Variants in GRIP1 observed in about 807,000 individuals in gnomAD.
GRIP1 encodes glutamate receptor-interacting protein 1.
Under a neutral mutation model 129.9 loss-of-function variants are expected in GRIP1, and 45 were observed. That is an observed-to-expected ratio of 0.35 (90% CI 0.27 to 0.44). GRIP1 has a LOEUF of 0.44. Ranked by LOEUF, GRIP1 falls within the 20% of genes least tolerant of loss-of-function variation. The pLI is 1.00. For missense variants in GRIP1, 1,196 were observed against 1,396.8 expected, an observed-to-expected ratio of 0.86 and a Z score of 2.29; for synonymous variants, 530 against 520.8, an observed-to-expected ratio of 1.02 and a Z score of -0.24.
intron 1 of GRIP1, among the ~76,000 whole-genome samples, chr12:66,746,193 G>A (rs964949507): frequency 2.6e-5 from 4 of 152,106 alleles, no homozygotes; most frequent in African/African-American, 9.7e-5. Context: ...TAAAGCTGCT[G>A]AACTGACTGG....
chr12:66,725,045 G>A (rs149282950), intron 1 of GRIP1, among the ~76,000 whole-genome samples: 19 of 152,228 alleles, frequency 1.2e-4, no homozygotes, highest in East Asian at 9.7e-4. Flanking sequence ...TAATCCCAGC[G>A]CTTTTGGAGG....
At chr12:66,738,822 T>A (rs1033581665) in intron 1 of GRIP1, among the ~76,000 whole-genome samples, 1 of 152,188 alleles carries the variant, frequency 6.6e-6, no homozygotes, top group Non-Finnish European at 1.5e-5. Flanking sequence ...GATATCCTCC[T>A]AGTGCAATGA....
intron 1 of GRIP1, among the ~76,000 whole-genome samples, chr12:66,743,055 C>A (rs1284645259): frequency 6.6e-6 from 1 of 151,918 alleles, no homozygotes; most frequent in Non-Finnish European, 1.5e-5. Flanking sequence ...AACAAGCAGC[C>A]GTCCAAAACC....
chr12:66,996,637 T>C (rs1401822787), intron 1 of GRIP1, among the ~76,000 whole-genome samples: 1 of 152,110 alleles, frequency 6.6e-6, no homozygotes, highest in Non-Finnish European at 1.5e-5. Context: ...AAATGGCATG[T>C]AGAGAAAATG....
chr12:66,996,521 T>C (rs757825760), intron 1 of GRIP1, among the ~76,000 whole-genome samples: 1 of 152,158 alleles, frequency 6.6e-6, no homozygotes, highest in Admixed American at 6.6e-5. Context: ...TCACCTCTTC[T>C]ACATCACAAT....
At chr12:66,850,269 G>A (rs2039888182) in intron 1 of GRIP1, among the ~76,000 whole-genome samples, 1 of 152,106 alleles carries the variant, frequency 6.6e-6, no homozygotes. Flanking sequence ...GGGCAATCAT[G>A]AAGCAATTTA....
intron 7 of GRIP1, among the ~76,000 whole-genome samples, chr12:66,506,778 C>T (rs75053597): frequency 0.012 from 1,883 of 152,160 alleles, 43 homozygotes; most frequent in East Asian, 0.1. Context: ...TTTTCTCACC[C>T]GCTAGTTTTA....
intron 1 of GRIP1, among the ~76,000 whole-genome samples, chr12:67,064,766 T>C (rs2043593225): frequency 6.6e-6 from 1 of 152,140 alleles, no homozygotes. Flanking sequence ...TTTATTATTA[T>C]TATACTTTAA....
At chr12:66,532,696 T>G (rs550489176) in intron 4 of GRIP1, among the ~76,000 whole-genome samples, 2 of 152,272 alleles carry the variant, frequency 1.3e-5, no homozygotes, top group East Asian at 3.9e-4. Context: ...AGGTAGCTGC[T>G]GCTCCCTCAA....
chr12:66,451,214 G>A (rs905707262), intron 11 of GRIP1, among the ~76,000 whole-genome samples: 3 of 151,870 alleles, frequency 2.0e-5, no homozygotes, highest in African/African-American at 4.8e-5. Flanking sequence ...GTCAATTCTT[G>A]TTCTTCCTAG....
chr12:66,896,178 G>A (rs1265236589), intron 1 of GRIP1, among the ~76,000 whole-genome samples: 2 of 152,162 alleles, frequency 1.3e-5, no homozygotes, highest in Non-Finnish European at 2.9e-5. Flanking sequence ...TGACCTAAGA[G>A]AATTCTGTGA....
chr12:67,057,116 G>A (rs1444053772), intron 1 of GRIP1, among the ~76,000 whole-genome samples: 1 of 151,918 alleles, frequency 6.6e-6, no homozygotes, highest in Admixed American at 6.6e-5. Flanking sequence ...GTGCCTGGCC[G>A]GACTGAATGT....
intron 1 of GRIP1, among the ~76,000 whole-genome samples, chr12:66,671,665 C>T (rs2136236488): frequency 1.3e-5 from 2 of 152,314 alleles, no homozygotes; most frequent in Non-Finnish European, 2.9e-5. Flanking sequence ...GACCCACTTA[C>T]AAAACAGAAG....
chr12:66,616,739 A>G (rs1386461703), intron 1 of GRIP1, among the ~76,000 whole-genome samples: 2 of 152,122 alleles, frequency 1.3e-5, no homozygotes, highest in Non-Finnish European at 2.9e-5. Context: ...AGCCAACCTA[A>G]GCAAAACCAA....
chr12:66,582,358 C>A (rs2063422688), intron 2 of GRIP1, among the ~76,000 whole-genome samples: 1 of 143,002 alleles, frequency 7.0e-6, no homozygotes, highest in Non-Finnish European at 1.6e-5. Context: ...GACAGGGATG[C>A]CCTCTCTCAC....
intron 1 of GRIP1, among the ~76,000 whole-genome samples, chr12:66,753,398 A>T (rs2036835107): frequency 6.6e-6 from 1 of 152,304 alleles, no homozygotes; most frequent in Middle Eastern, 3.4e-3. Flanking sequence ...TGGTAAAGTA[A>T]CAGTAGGAAG....
intron 1 of GRIP1, among the ~76,000 whole-genome samples, chr12:66,778,411 T>C (rs914843514): frequency 6.6e-6 from 1 of 152,174 alleles, no homozygotes; most frequent in African/African-American, 2.4e-5. Context: ...AATGGGGATA[T>C]GATCCCCTAC....
chr12:66,368,710 C>G (rs998633694), intron 23 of GRIP1, among the ~76,000 whole-genome samples: 3 of 152,178 alleles, frequency 2.0e-5, no homozygotes, highest in African/African-American at 7.2e-5. Context: ...CTAGTAGTAC[C>G]CCAGGGGAAG....
chr12:67,011,888 A>T (rs1396109618), intron 1 of GRIP1, among the ~76,000 whole-genome samples: 2 of 152,224 alleles, frequency 1.3e-5, no homozygotes, highest in African/African-American at 4.8e-5. Flanking sequence ...CTGTTGTAGT[A>T]CAAAAGCAAA....
Sources: gnomAD v4.1 joint callset for allele counts (sites outside exome capture counted in the v4.1 genomes callset) on GRCh38, gnomAD v4.1.1 for gene constraint, MANE v1.5 for transcripts, NCBI Gene and HGNC (gene_info 2026-07-23, HGNC 2026-07-21) for gene names.